FBN3: variants seen among roughly 807,000 people sequenced by gnomAD.
FBN3 encodes the protein fibrillin-3.
A neutral mutation model predicts 330.1 loss-of-function variants in FBN3; 234 were observed. That is an observed-to-expected ratio of 0.71 (90% CI 0.64 to 0.79). FBN3 has a LOEUF of 0.79. FBN3 is among the 30% of genes least tolerant of loss of function. The pLI, the probability that FBN3 is intolerant of heterozygous loss-of-function variation, is 0.00. For synonymous variants in FBN3, 1,458 were observed against 1,517.3 expected (o/e 0.96, Z 0.91); for missense variants, 3,606 against 3,886.9 (o/e 0.93, Z 1.92).
chr19:8,113,517 A>G (rs1054002069), intron 30 of FBN3, among the ~76,000 whole-genome samples: 1 of 152,124 alleles, frequency 6.6e-6, no homozygotes, highest in African/African-American at 2.4e-5. Context: ...GAAATGAGTC[A>G]CCATGCCTGA....
rs564095121 is a variant in FBN3 at position 8,117,062 on chromosome 19, G to A, written c.3586+107C>T. The A allele has an allele frequency of 6.2e-5, 93 of 1,500,348 alleles. No homozygotes were observed. The African/African-American group carries it at 1.1e-3, about 18-fold the overall frequency. 92.9% of individuals were successfully genotyped at this position (1,500,348 alleles called of 1,614,324 possible). A position where few individuals can be genotyped will look rare whatever the true frequency, so the allele number is the denominator to read the frequency against. On this transcript the variant is annotated intron_variant, in intron 28 of 63. Transcript: ENST00000600128. ...GCCAGGCAGGGGGTGCCTCGGGTCT[G>A]GCTGGCTTCACTATGCTGTGCTGGG...
chr19:8,077,206 G>A (rs942959831), intron 59 of FBN3, among the ~76,000 whole-genome samples: 1 of 152,212 alleles, frequency 6.6e-6, no homozygotes, highest in African/African-American at 2.4e-5. Context: ...TGCTACAATG[G>A]TGGGAGCCCA....
rs771310104 is a variant in FBN3 at position 8,102,735 on chromosome 19, G to C, written c.5078C>G (p.Thr1693Ser). 1.4e-4 allele frequency: 232 copies of C among 1,613,216 alleles called. 1 individual carries two copies. Among genetic ancestry groups the C allele is most frequent in the South Asian group, 3.5e-4 (32 of 91,060 alleles). ...GGAGGGTTACTCACGACTGATGGGA[G>C]TGGGGCAGGCCTCACAGGGTCTATT... ...AWNRPCEACP[T>S]PISPDYQILC... Residue 1693 changes from threonine (T) to serine (S), a missense_variant, in exon 40 of 64, where the codon ACT becomes AGT. By Grantham distance (58) the Thr-to-Ser change is moderately conservative (BLOSUM62 1). Transcript: ENST00000600128.
At chr19:8,095,847 T>C in intron 45 of FBN3, 117 bp downstream of exon 45, 2 of 662,264 alleles carry the variant, frequency 3.0e-6, no homozygotes, top group Admixed American at 2.6e-5. Context: ...AGTATGTTAT[T>C]TAATTTCTAA....
chr19:8,090,546 C>T (rs1257990801), intron 48 of FBN3, among the ~76,000 whole-genome samples: 7 of 150,138 alleles, frequency 4.7e-5, no homozygotes, highest in Admixed American at 1.3e-4. Context: ...TGCAGTGGCA[C>T]GATCTCAGCT....
At chr19:8,147,272 T>A (rs768103686) in intron 2 of FBN3, 42 bp downstream of exon 2, 17 of 1,571,528 alleles carry the variant, frequency 1.1e-5, no homozygotes, top group Non-Finnish European at 1.5e-5. Context: ...GACAGCCCAA[T>A]CCACACCGAA....
intron 6 of FBN3, among the ~76,000 whole-genome samples, chr19:8,142,667 C>T (rs1048871306): frequency 2.0e-5 from 3 of 152,078 alleles, no homozygotes; most frequent in Non-Finnish European, 4.4e-5. Flanking sequence ...CCAGATGTGA[C>T]TTCTTGGCTC....
chr19:8,135,935 T>TGGGGGGGGGGGGGGGGGGGGCG, intron 13 of FBN3, 26 bp downstream of exon 13: 1 of 1,344,156 alleles, frequency 7.4e-7, no homozygotes, highest in Non-Finnish European at 1.0e-6. Context: ...CGGAAGCCCC[T>TGGGGGGGGGGGGGGGGGGGGCG]GCCCACCCGC....
Position 8,136,380 on chromosome 19 carries a change from C to T in FBN3, c.1345+8G>A, listed in dbSNP as rs759040501. The T allele has an allele frequency of 1.7e-5, 27 of 1,611,982 alleles. 1 individual carries two copies. Among genetic ancestry groups the T allele is most frequent in the Admixed American group, 6.7e-5 (4 of 59,954 alleles). ...AACCGCCCCCCCTTCCACCTGGCCGCGGCTCACCAATGCACTCGCCGCGCA... is the reference window on the plus strand; with the variant it reads ...AACCGCCCCCCCTTCCACCTGGCCGTGGCTCACCAATGCACTCGCCGCGCA... On this transcript the variant is annotated splice_region_variant and intron_variant, in intron 11 of 63. Transcript: ENST00000600128.
Position 8,131,744 on chromosome 19 carries a change from C to T in FBN3, c.1800G>A (p.Gly600=), listed in dbSNP as rs2083153674. The change falls in exon 15 of 64, where the codon GGG becomes GGA. Residue 600 remains glycine, a synonymous_variant. Coordinates refer to ENST00000600128, the MANE Select transcript of FBN3 (RefSeq NM_032447.5). This position sits in a 1 kb window ranked among gnomAD's most constrained non-coding sequence, Gnocchi z 4.5. ...GGCCATCCGTGCCTACCGCCAGCCCCCCCAGGCACTGGCAGCGGAAGGAGC... is the reference window on the plus strand; with the variant it reads ...GGCCATCCGTGCCTACCGCCAGCCCTCCCAGGCACTGGCAGCGGAAGGAGC... ...TEGSFRCQCL[G]GLAVGTDGRV... The T allele has an allele frequency of 1.2e-6, 2 of 1,613,542 alleles. No individual in the cohort carries two copies. The highest frequency in any genetic ancestry group is 1.7e-5 in the Admixed American group (1 of 59,964).
At position 8,096,643 on chromosome 19, in the gene FBN3, G is replaced by C; in HGVS notation, c.5414-74C>G. 2.6e-6 allele frequency: 4 copies of C among 1,521,782 alleles called. No homozygotes were observed. Among genetic ancestry groups the C allele is most frequent in the Non-Finnish European group, 2.6e-6 (3 of 1,136,344 alleles). The allele number at this position is 1,521,782 out of a possible 1,614,324, so 94.3% of individuals were successfully genotyped here. A position where few individuals can be genotyped will look rare whatever the true frequency, so the allele number is the denominator to read the frequency against. ...TGCCTGAGCTCTCCCTACTGCAATG[G>C]GGAAGCCAGAATCTGCCTTGAAGTT... is the stretch of plus-strand genomic sequence containing the variant. On this transcript the variant is annotated intron_variant, in intron 43 of 63. Coordinates refer to ENST00000600128, the MANE Select transcript of FBN3 (RefSeq NM_032447.5). The surrounding 1 kb of genome is among the most constrained non-coding windows in gnomAD (Gnocchi z 4.6).
At chr19:8,135,616 G>C (rs1256044151) in intron 13 of FBN3, among the ~76,000 whole-genome samples, 2 of 151,768 alleles carry the variant, frequency 1.3e-5, no homozygotes, top group Non-Finnish European at 1.5e-5. Flanking sequence ...GGAGTGCAGG[G>C]GCACGATCAC....
intron 24 of FBN3, among the ~76,000 whole-genome samples, chr19:8,122,671 G>C (rs6603146): frequency 0.41 from 60,121 of 145,208 alleles, 13,521 homozygotes; most frequent in African/African-American, 0.62. Flanking sequence ...CTGGCCCAGC[G>C]CCCCCTTTTT....
At chr19:8,114,172 C>T (rs990600894) in intron 30 of FBN3, among the ~76,000 whole-genome samples, 2 of 152,034 alleles carry the variant, frequency 1.3e-5, no homozygotes, top group Non-Finnish European at 2.9e-5. Context: ...AGGTACTAAC[C>T]CTGTAGACAC....
intron 63 of FBN3, 70 bp from the exon 64 acceptor site, chr19:8,066,330 C>T (rs1053739664): frequency 2.5e-5 from 29 of 1,145,468 alleles, no homozygotes; most frequent in African/African-American, 1.3e-4. Flanking sequence ...AGGGGGTCCT[C>T]GGATTGTGGC....
chr19:8,111,723 C>T lies in FBN3; in HGVS notation c.4009G>A (p.Asp1337Asn). Residue 1337 changes from aspartate (D) to asparagine (N), a missense_variant, in exon 32 of 64, where the codon GAC becomes AAC. Coordinates refer to ENST00000600128, the MANE Select transcript of FBN3 (RefSeq NM_032447.5). ...SQEHRCSPRG[D>N]CLNVPGSYRC... ...TAGGAGCCAGGGACATTGAGACAGT[C>T]ACCTCTTGGGCTGCACCGGTGCTCC... is the stretch of plus-strand genomic sequence containing the variant. 1.2e-6 allele frequency: 2 copies of T among 1,611,704 alleles called. No individual in the cohort carries two copies. Among genetic ancestry groups the T allele is most frequent in the Non-Finnish European group, 1.7e-6 (2 of 1,178,540 alleles).
intron 2 of FBN3, 33 bp from the exon 3 acceptor site, chr19:8,147,219 C>A: frequency 6.4e-7 from 1 of 1,558,132 alleles, no homozygotes; most frequent in East Asian, 2.4e-5. Context: ...CTGGTGAGCC[C>A]CTGCCCGTGT....
intron 54 of FBN3, 79 bp downstream of exon 54, chr19:8,086,998 G>A: frequency 6.6e-7 from 1 of 1,517,046 alleles, no homozygotes; most frequent in Non-Finnish European, 8.8e-7. Context: ...GAGTCACCGT[G>A]CCCGGTCCAA....
chr19:8,106,843 GGTGGATGGATGA>G (rs1336598969), intron 37 of FBN3, among the ~76,000 whole-genome samples: 2 of 151,198 alleles, frequency 1.3e-5, no homozygotes, highest in African/African-American at 4.9e-5. Context: ...ATGGGAAATG[GGTGGATGGATGA>G]GTGGATGGAT....
Sources: gnomAD v4.1 joint callset for allele counts (sites outside exome capture counted in the v4.1 genomes callset) on GRCh38, gnomAD v4.1.1 for gene constraint, Gnocchi (gnomAD v3.1) non-coding constraint, MANE v1.5 for transcripts, NCBI Gene and HGNC (gene_info 2026-07-23, HGNC 2026-07-21) for gene names.